The following CNTLN variants were observed in gnomAD, a reference collection of about 807,000 sequenced individuals.
CNTLN encodes centlein.
In CNTLN, 212 loss-of-function variants were observed where a neutral mutation model predicts 180.0. That is an observed-to-expected ratio of 1.18 (90% CI 1.05 to 1.32). CNTLN has a LOEUF of 1.32. Ranked by LOEUF, CNTLN falls within the 40% of genes most tolerant of loss-of-function variation. CNTLN has a pLI of 0.00. For missense variants in CNTLN, 2,095 were observed against 1,610.9 expected, an observed-to-expected ratio of 1.30 and a Z score of -5.14; for synonymous variants, 722 against 563.1, an observed-to-expected ratio of 1.28 and a Z score of -3.99.
chr9:17,378,083 C>G (rs889789125), intron 13 of CNTLN, among the ~76,000 whole-genome samples: 1 of 152,098 alleles, frequency 6.6e-6, no homozygotes, highest in Non-Finnish European at 1.5e-5. Context: ...GCCTTCATAT[C>G]TATTTTCTTA....
At chr9:17,139,821 C>T (rs1157433289) in intron 1 of CNTLN, among the ~76,000 whole-genome samples, 1 of 152,128 alleles carries the variant, frequency 6.6e-6, no homozygotes, top group Non-Finnish European at 1.5e-5. Flanking sequence ...CCACCCACCT[C>T]AGCCTCCAGA....
At chr9:17,394,227 C>T (rs10963078) in intron 14 of CNTLN, among the ~76,000 whole-genome samples, 35,273 of 151,858 alleles carry the variant, frequency 0.23, 4,438 homozygotes, top group South Asian at 0.38. Context: ...TTTTTTTCCA[C>T]AATGAATAGA....
At chr9:17,505,895 C>T (rs1236854661), downstream of CNTLN, among the ~76,000 whole-genome samples, 1 of 152,052 alleles carries the variant, frequency 6.6e-6, no homozygotes, top group African/African-American at 2.4e-5. Flanking sequence ...CTACACTAAT[C>T]AGGAGTGTGT....
intron 8 of CNTLN, among the ~76,000 whole-genome samples, chr9:17,310,759 C>A (rs1819076324): frequency 6.6e-6 from 1 of 152,130 alleles, no homozygotes; most frequent in African/African-American, 2.4e-5. Context: ...TAATTCATTA[C>A]CAATTGAATG....
rs1828198879 is a variant in CNTLN, at chr9:17,415,936, T to A, written c.2891-30T>A. 4 of 1,588,416 alleles carry A rather than the reference T, an allele frequency of 2.5e-6. No homozygotes were observed. The South Asian group carries it at 4.6e-5, about 18-fold the overall frequency. Reference sequence around the variant, plus strand: ...TCTTTTACAATTTAAATCTAATTTTTAAAATATGAACAATATTGTTTTTAT... The same window carrying A: ...TCTTTTACAATTTAAATCTAATTTTAAAAATATGAACAATATTGTTTTTAT... On this transcript the variant is annotated intron_variant, in intron 17 of 25. Transcript: ENST00000380647.
Position 17,420,574 on chromosome 9 carries a change from T to G in CNTLN, c.3114+4385T>G, listed in dbSNP as rs150924558. On this transcript the variant is annotated intron_variant, in intron 18 of 25. Transcript: ENST00000380647. ...TCATTTATTTCTTCTCTGATCTTTATTATTTCTTTTCTTCTACTAATTTTG... is the reference window on the plus strand; with the variant it reads ...TCATTTATTTCTTCTCTGATCTTTAGTATTTCTTTTCTTCTACTAATTTTG... Among the ~76,000 whole-genome samples the G allele has an allele frequency of 3.2e-3, 489 of 152,244 alleles. 7 individuals carry two copies. The highest frequency in any genetic ancestry group is 0.011 in the African/African-American group (468 of 41,566).
intron 12 of CNTLN, among the ~76,000 whole-genome samples, chr9:17,344,453 T>C (rs1821721006): frequency 6.6e-6 from 1 of 152,108 alleles, no homozygotes; most frequent in Non-Finnish European, 1.5e-5. Flanking sequence ...GTAAGCTTTT[T>C]TGGGGGAGGG....
intron 12 of CNTLN, among the ~76,000 whole-genome samples, chr9:17,360,973 C>G (rs1823335262): frequency 1.3e-5 from 2 of 152,096 alleles, no homozygotes; most frequent in African/African-American, 4.8e-5. Context: ...GTTCTGTATC[C>G]TTACTTATTT....
chr9:17,197,285 C>G (rs981278427), intron 2 of CNTLN, among the ~76,000 whole-genome samples: 1 of 152,198 alleles, frequency 6.6e-6, no homozygotes, highest in African/African-American at 2.4e-5. Context: ...TTCTCCACAT[C>G]CTTGTCAGCA....
chr9:17,247,122 G>C (rs1460156496), intron 5 of CNTLN, among the ~76,000 whole-genome samples: 1 of 152,082 alleles, frequency 6.6e-6, no homozygotes, highest in Admixed American at 6.6e-5. Context: ...AGTATTCCCT[G>C]TGCTGCCCTG....
intron 18 of CNTLN, among the ~76,000 whole-genome samples, chr9:17,441,067 C>T (rs1333793613): frequency 8.9e-4 from 3 of 3,380 alleles, no homozygotes; most frequent in Non-Finnish European, 2.5e-3. Flanking sequence ...AAGTGTACAC[C>T]ACCTTTAAAA....
intron 13 of CNTLN, among the ~76,000 whole-genome samples, chr9:17,374,336 A>G (rs567883864): frequency 2.0e-5 from 3 of 152,340 alleles, no homozygotes; most frequent in South Asian, 4.1e-4. Flanking sequence ...AAAAGAAGAC[A>G]TACCATTTGC....
chr9:17,153,203 T>G (rs2774629), intron 2 of CNTLN, among the ~76,000 whole-genome samples: 1 of 151,942 alleles, frequency 6.6e-6, no homozygotes, highest in African/African-American at 2.4e-5. Flanking sequence ...TGTCATGATG[T>G]TAGCTGGTTG....
At chr9:17,248,068 C>T (rs1825911839) in intron 5 of CNTLN, among the ~76,000 whole-genome samples, 3 of 152,148 alleles carry the variant, frequency 2.0e-5, no homozygotes, top group Admixed American at 1.3e-4. Context: ...AAGCGATTCA[C>T]CTACCTCAAC....
chr9:17,417,728 A>G (rs896220436), intron 18 of CNTLN, among the ~76,000 whole-genome samples: 4 of 152,060 alleles, frequency 2.6e-5, no homozygotes, highest in Non-Finnish European at 5.9e-5. Context: ...TATGAGAAAA[A>G]TAAAAATAGT....
At chr9:17,314,625 G>A (rs1484818333) in intron 8 of CNTLN, among the ~76,000 whole-genome samples, 1 of 152,156 alleles carries the variant, frequency 6.6e-6, no homozygotes, top group Admixed American at 6.5e-5. Flanking sequence ...CAAAGTTTCT[G>A]TTGGAATTTT....
At chr9:17,253,747 A>T (rs1186292596) in intron 5 of CNTLN, among the ~76,000 whole-genome samples, 2 of 140,184 alleles carry the variant, frequency 1.4e-5, no homozygotes, top group African/African-American at 2.7e-5. Flanking sequence ...TTCAAACTGG[A>T]TGTCTTTTCT....
intron 18 of CNTLN, among the ~76,000 whole-genome samples, chr9:17,453,044 G>A (rs374036815): frequency 7.2e-5 from 11 of 152,228 alleles, no homozygotes; most frequent in East Asian, 1.9e-4. Flanking sequence ...AAGCACAGTC[G>A]CTCATGACTA....
chr9:17,441,265 A>G (rs1830090979), intron 18 of CNTLN, among the ~76,000 whole-genome samples: 1 of 152,224 alleles, frequency 6.6e-6, no homozygotes, highest in South Asian at 2.1e-4. Context: ...ACTTAAAAGC[A>G]TGTGAAAGTA....
Sources: allele counts gnomAD v4.1 joint callset (sites outside exome capture counted in the v4.1 genomes callset), GRCh38; gene constraint gnomAD v4.1.1; transcripts MANE v1.5; gene names NCBI Gene and HGNC (gene_info 2026-07-23, HGNC 2026-07-21).